The following CSNK1D variants were observed in gnomAD, a reference collection of about 807,000 sequenced individuals.
The protein encoded by CSNK1D is casein kinase I isoform delta.
A neutral mutation model predicts 46.6 loss-of-function variants in CSNK1D; 16 were observed. The ratio of observed to expected loss-of-function variants is 0.34; its 90% CI spans 0.23 to 0.52. CSNK1D has a LOEUF of 0.52. CSNK1D is among the 20% of genes least tolerant of loss of function. The pLI is 0.95. For missense variants in CSNK1D, 398 were observed against 578.4 expected (o/e 0.69, Z 3.20); for synonymous variants, 276 against 228.2 (o/e 1.21, Z -1.89).
At chr17:82,246,149 G>T in intron 8 of CSNK1D, 1 of 1,545,418 alleles carries the variant, frequency 6.5e-7, no homozygotes, top group South Asian at 1.2e-5. Flanking sequence ...TCCACAGACC[G>T]ACAGGTGCCA....
intron 1 of CSNK1D, among the ~76,000 whole-genome samples, chr17:82,266,157 G>C (rs2051462872): frequency 6.6e-6 from 1 of 152,198 alleles, no homozygotes; most frequent in African/African-American, 2.4e-5. Context: ...GCCTGTGGTA[G>C]AGCTCCACGG....
chr17:82,257,392 T>TA (rs796316923), intron 2 of CSNK1D, among the ~76,000 whole-genome samples: 1 of 152,108 alleles, frequency 6.6e-6, no homozygotes, highest in Non-Finnish European at 1.5e-5. Flanking sequence ...TATCTTACAT[T>TA]AAAAAAATAG....
chr17:82,242,511 C>T, downstream of CSNK1D: 1 of 331,760 alleles, frequency 3.0e-6, no homozygotes, highest in Non-Finnish European at 3.4e-6. Context: ...GCAGCAGGCC[C>T]AGGGGGCAGC....
At chr17:82,267,803 C>T (rs1396317741) in intron 1 of CSNK1D, among the ~76,000 whole-genome samples, 3 of 152,236 alleles carry the variant, frequency 2.0e-5, no homozygotes, top group African/African-American at 4.8e-5. Flanking sequence ...AGTGCAGCCT[C>T]GGACAGTACC....
In CSNK1D at chr17:82,251,399, C is replaced by T. The variant is rs975472022; in HGVS notation, c.865G>A (p.Asp289Asn). ...CTTACAAATTTGAGCATGTTCCAGT[C>T]GAACACGTAGTCATAGGAGAAGCCC... is the stretch of plus-strand genomic sequence containing the variant. ...RQGFSYDYVF[D>N]WNMLKFGASR... The change falls in exon 6 of 9, where the codon GAC becomes AAC. Residue 289 changes from aspartate (D) to asparagine (N), a missense_variant. Physicochemically the swap from Asp to Asn is conservative, Grantham distance 23 (BLOSUM62 1). Coordinates refer to ENST00000314028, the MANE Select transcript of CSNK1D (RefSeq NM_001893.6). The surrounding 1 kb of genome is among the most constrained non-coding windows in gnomAD (Gnocchi z 4.5). 1.9e-6 allele frequency: 3 copies of T among 1,613,994 alleles called. No homozygotes were observed. Among genetic ancestry groups the T allele is most frequent in the African/African-American group, 2.7e-5 (2 of 74,918 alleles).
chr17:82,254,272 A>C (rs1254819055), intron 3 of CSNK1D: 8 of 254,872 alleles, frequency 3.1e-5, no homozygotes, highest in African/African-American at 3.6e-5. Context: ...AGCCTCGAGA[A>C]GCCAGTGCAG....
chr17:82,252,661 A>G lies in CSNK1D; in HGVS notation c.566-57T>C. 1 of 1,565,796 alleles carries G rather than the reference A, an allele frequency of 6.4e-7. No homozygotes were observed. Among genetic ancestry groups the G allele is most frequent in the Non-Finnish European group, 8.7e-7 (1 of 1,152,930 alleles). ...GCACTTGCGTGCTCACGTCAAAGCA[A>G]AAGACCCGGCTGGCCGTTCCAGTGG... On this transcript the variant is annotated intron_variant, in intron 4 of 8. Transcript: ENST00000314028. This position sits in a 1 kb window ranked among gnomAD's most constrained non-coding sequence, Gnocchi z 4.6.
intron 1 of CSNK1D, among the ~76,000 whole-genome samples, chr17:82,269,414 T>C (rs1330780161): frequency 6.6e-6 from 1 of 152,070 alleles, no homozygotes; most frequent in Non-Finnish European, 1.5e-5. Flanking sequence ...GAACAGGTGG[T>C]CGCTCTCCTC....
intron 1 of CSNK1D, among the ~76,000 whole-genome samples, chr17:82,271,490 C>T (rs1341180541): frequency 6.6e-6 from 1 of 152,214 alleles, no homozygotes; most frequent in Non-Finnish European, 1.5e-5. Context: ...AGCCAAACGA[C>T]TTCCATTGAC....
chr17:82,254,031 G>A (rs1396920701), intron 3 of CSNK1D: 158 of 191,958 alleles, frequency 8.2e-4, no homozygotes, highest in Non-Finnish European at 1.4e-3. Flanking sequence ...CTGAGCCGCC[G>A]GAGCCTCGAG....
chr17:82,258,641 T>C (rs963337899), intron 2 of CSNK1D, among the ~76,000 whole-genome samples: 1 of 152,206 alleles, frequency 6.6e-6, no homozygotes, highest in Non-Finnish European at 1.5e-5. Context: ...GAGTTTTCAC[T>C]GTCCCAAATT....
At chr17:82,261,386 C>T (rs563341697) in intron 2 of CSNK1D, among the ~76,000 whole-genome samples, 14 of 151,936 alleles carry the variant, frequency 9.2e-5, no homozygotes, top group African/African-American at 2.4e-4. Flanking sequence ...TCATGGTGCC[C>T]GAAGGTAGCT....
In CSNK1D at chr17:82,252,301, G is replaced by A. The variant is rs1026700474; in HGVS notation, c.736+133C>T. ...TTACCTCCATACACAAAAGCGCCCC[G>A]CTTTCCTGCCACCACCCCTTTGGAA... is the stretch of plus-strand genomic sequence containing the variant. On this transcript the variant is annotated intron_variant, in intron 5 of 8. Transcript: ENST00000314028. This position sits in a 1 kb window ranked among gnomAD's most constrained non-coding sequence, Gnocchi z 4.6. 42 of 1,056,080 alleles carry A rather than the reference G, an allele frequency of 4.0e-5. No homozygotes were observed. Among genetic ancestry groups the A allele is most frequent in the East Asian group, 3.3e-4 (14 of 42,304 alleles). The allele number at this position is 1,056,080 out of a possible 1,614,324, so 65.4% of individuals were successfully genotyped here.
chr17:82,251,827 G>T lies in CSNK1D; in HGVS notation c.737-300C>A, dbSNP rs1391393325. 1 of 267,256 alleles carries T rather than the reference G, an allele frequency of 3.7e-6. No homozygotes were observed. The highest frequency in any genetic ancestry group is 7.2e-6 in the Non-Finnish European group (1 of 139,646). The allele number at this position is 267,256 out of a possible 1,614,324, so 16.6% of individuals were successfully genotyped here. A position where few individuals can be genotyped will look rare whatever the true frequency, so the allele number is the denominator to read the frequency against. On this transcript the variant is annotated intron_variant, in intron 5 of 8. Transcript: ENST00000314028. The surrounding 1 kb of genome is among the most constrained non-coding windows in gnomAD (Gnocchi z 4.5). ...AACACAGTGAAACCCCATCTCTACT[G>T]AAAAAAAAAAAAAAAAAGTTCTAGA...
chr17:82,242,818 A>G lies in CSNK1D; in HGVS notation c.*1963T>C. The G allele has an allele frequency of 7.1e-6, 7 of 985,460 alleles. No individual in the cohort carries two copies. The highest frequency in any genetic ancestry group is 8.4e-6 in the Non-Finnish European group (7 of 829,936). The allele number at this position is 985,460 out of a possible 1,614,324, so 61.0% of individuals were successfully genotyped here. A position where few individuals can be genotyped will look rare whatever the true frequency, so the allele number is the denominator to read the frequency against. On this transcript the variant is annotated 3_prime_UTR_variant, in exon 9 of 9. Coordinates refer to ENST00000314028, the MANE Select transcript of CSNK1D (RefSeq NM_001893.6). ...TCTCCTGCACGGGGCGACGGGGACT[A>G]GATACTGGGCAAGGACTGTCACAAG...
downstream of CSNK1D, chr17:82,239,705 CGTGGTG>C: frequency 2.8e-6 from 1 of 361,128 alleles, no homozygotes; most frequent in Non-Finnish European, 4.9e-6. Context: ...GGAGCCCCTA[CGTGGTG>C]GTTAGATGGG....
intron 1 of CSNK1D, among the ~76,000 whole-genome samples, chr17:82,266,113 T>C (rs1568583142): frequency 1.3e-5 from 2 of 152,344 alleles, no homozygotes; most frequent in South Asian, 4.1e-4. Flanking sequence ...CCATCAGCCC[T>C]GCCCAAGGCC....
chr17:82,264,319 C>T (rs1362701890), intron 2 of CSNK1D, among the ~76,000 whole-genome samples: 1 of 152,254 alleles, frequency 6.6e-6, no homozygotes, highest in Non-Finnish European at 1.5e-5. Flanking sequence ...CCAAAGAGGG[C>T]TCCTGCCAGA....
chr17:82,245,328 G>A (rs1264661449), intron 8 of CSNK1D: 5 of 276,258 alleles, frequency 1.8e-5, no homozygotes, highest in African/African-American at 4.4e-5. Flanking sequence ...GGAGCACAGC[G>A]TGGACGCCGG....
Sources: allele counts gnomAD v4.1 joint callset (sites outside exome capture counted in the v4.1 genomes callset), GRCh38; gene constraint gnomAD v4.1.1; non-coding constraint Gnocchi (gnomAD v3.1); transcripts MANE v1.5; gene names NCBI Gene and HGNC (gene_info 2026-07-23, HGNC 2026-07-21).